Variants in CARD10 observed in about 807,000 individuals in gnomAD.
The protein encoded by CARD10 is caspase recruitment domain family member 10.
CARD10 carries 49 observed loss-of-function variants against 114.6 expected under a neutral mutation model. The observed-to-expected ratio is 0.43, with a 90% CI of 0.34 to 0.54. The LOEUF (loss-of-function observed/expected upper bound fraction) is 0.54. Among genes scored for constraint, CARD10 ranks in the 20% least tolerant of loss-of-function variants. The pLI is 0.03. For synonymous variants in CARD10, 602 were observed against 593.2 expected (o/e 1.01, Z -0.21); for missense variants, 1,206 against 1,397.2 (o/e 0.86, Z 2.18).
In CARD10 at chr22:37,507,850, C is replaced by T. The variant is rs779518354; in HGVS notation, c.1170G>A (p.Glu390=). Residue 390 remains glutamate, a synonymous_variant, in exon 6 of 20, where the codon GAG becomes GAA. Coordinates refer to ENST00000251973, the MANE Select transcript of CARD10 (RefSeq NM_014550.4). ...TCACCTGGTCTCGCTCCTTCTCAAT[C>T]TCCTCCAGTTGGGCCAGGACAGTGG... is the stretch of plus-strand genomic sequence containing the variant. ...RMATVLAQLE[E]IEKERDQAIQ... is the part of the protein sequence containing the mutation. The T allele has an allele frequency of 6.2e-7, 1 of 1,614,218 alleles. No individual in the cohort carries two copies. The highest frequency in any genetic ancestry group is 2.2e-5 in the East Asian group (1 of 44,884).
intron 4 of CARD10, chr22:37,509,185 A>C: frequency 7.0e-7 from 1 of 1,419,088 alleles, no homozygotes; most frequent in Non-Finnish European, 9.3e-7. Flanking sequence ...CTCATCCCCC[A>C]CTTCCTGTGT....
rs1236686120 is a variant in CARD10 at position 37,491,754 on chromosome 22, C to G, written c.2864+1G>C. The G allele has an allele frequency of 8.7e-7, 1 of 1,145,080 alleles. No homozygotes were observed. Among genetic ancestry groups the G allele is most frequent in the Non-Finnish European group, 1.3e-6 (1 of 788,522 alleles). The allele number at this position is 1,145,080 out of a possible 1,614,324, so 70.9% of individuals were successfully genotyped here. A position where few individuals can be genotyped will look rare whatever the true frequency, so the allele number is the denominator to read the frequency against. ...CCCACTGCCCCACCCACCCACCTCACCTGACTTCCCGGACATTCTTCTCAG... is the reference window on the plus strand; with the variant it reads ...CCCACTGCCCCACCCACCCACCTCAGCTGACTTCCCGGACATTCTTCTCAG... On this transcript the variant is annotated splice_donor_variant, in intron 19 of 19. Transcript: ENST00000251973. LOFTEE classifies it high-confidence loss of function.
At chr22:37,508,903 A>C in intron 4 of CARD10, 1 of 1,356,986 alleles carries the variant, frequency 7.4e-7, no homozygotes, top group Non-Finnish European at 1.0e-6. Context: ...CTGGGGTACA[A>C]GTAAGCTAAT....
In CARD10 at chr22:37,502,000, G is replaced by T. The variant is rs569359914; in HGVS notation, c.1787+602C>A. ...AGACCACAATGGCCGTGCAGCCCCC[G>T]CTCTGCCCCACCCCTCCCTTAGATA... On this transcript the variant is annotated intron_variant, in intron 11 of 19. Transcript: ENST00000251973. This position sits in a 1 kb window ranked among gnomAD's most constrained non-coding sequence, Gnocchi z 5.4. Among the ~76,000 whole-genome samples the T allele has an allele frequency of 3.9e-5, 6 of 152,230 alleles. No individual in the cohort carries two copies. The highest frequency in any genetic ancestry group is 1.4e-4 in the African/African-American group (6 of 41,538).
Position 37,508,392 on chromosome 22 carries a change from G to A in CARD10, c.1065+135C>T, listed in dbSNP as rs1157445037. On this transcript the variant is annotated intron_variant, in intron 5 of 19. Transcript: ENST00000251973. ...CTCAAGCGCCTAGAAGGGTGCCTCC[G>A]TCAACATCTGAGAACAAATGAATGC... 3.9e-5 allele frequency: 41 copies of A among 1,063,398 alleles called. No individual in the cohort carries two copies. In the South Asian group the frequency reaches 5.1e-4, roughly 13 times the overall value. 65.9% of individuals were successfully genotyped at this position (1,063,398 alleles called of 1,614,324 possible).
rs769625750 is a variant in CARD10 at position 37,510,249 on chromosome 22, G to T, written c.872C>A (p.Thr291Lys). ...CTCCTGCAACTCCCGCAGTGACGCC[G>T]TCAGCCGCTGGTTCTCAGCACGCAG... The part of the protein sequence containing the change: ...SELRAENQRL[T>K]ASLRELQEGL... Residue 291 changes from threonine to lysine, a missense_variant, in exon 4 of 20, where the codon ACG (threonine) becomes AAG (lysine). Thr to Lys is a moderately conservative substitution (Grantham distance 78, BLOSUM62 -1). Around this residue, in one of 2 missense-constraint regions of CARD10, gnomAD observed 1,068 missense variants for 1,179.1 expected, o/e 0.91. Transcript: ENST00000251973. 6.2e-7 allele frequency: 1 copy of T among 1,602,432 alleles called. No homozygotes were observed. Among genetic ancestry groups the T allele is most frequent in the Non-Finnish European group, 8.5e-7 (1 of 1,179,820 alleles).
Position 37,508,637 on chromosome 22 carries a change from C to T in CARD10, c.955G>A (p.Asp319Asn). ...TCCCGCCAGTCATGCTCTAGGATGT[C>T]CAGCAGGATGCGCTCGGAGCCCGGG... ...GAPGSERILLDILEHDWREAQ... is the reference protein window; with the variant it reads ...GAPGSERILLNILEHDWREAQ... Residue 319 changes from aspartate (D) to asparagine (N), a missense_variant, in exon 5 of 20, where the codon GAC becomes AAC. Asp to Asn is a conservative substitution (Grantham distance 23). Coordinates refer to ENST00000251973, the MANE Select transcript of CARD10 (RefSeq NM_014550.4). 6.3e-7 allele frequency: 1 copy of T among 1,589,300 alleles called. No homozygotes were observed. The highest frequency in any genetic ancestry group is 8.5e-7 in the Non-Finnish European group (1 of 1,171,274).
chr22:37,517,243 T>C (rs1463292837), intron 2 of CARD10, among the ~76,000 whole-genome samples: 11 of 152,222 alleles, frequency 7.2e-5, no homozygotes, highest in Non-Finnish European at 1.5e-4. Flanking sequence ...AACAAGTGTA[T>C]GTAACAGAGG....
In CARD10 at chr22:37,494,100, A is replaced by G. The variant is rs1221651968; in HGVS notation, c.2462T>C (p.Leu821Pro). 14 of 1,556,408 alleles carry G rather than the reference A, an allele frequency of 9.0e-6. No individual in the cohort carries two copies. Among genetic ancestry groups the G allele is most frequent in the Non-Finnish European group, 1.2e-5 (14 of 1,150,012 alleles). ...CGCGCACTCACCTGCACAGGGCTCC[A>G]GCAGCAGCTGATCCGGGGAGTCCCC... ...PAGDSPDQLL[L>P]EPCAEPERSL... The change falls in exon 16 of 20, where the codon CTG (leucine) becomes CCG (proline). Residue 821 changes from leucine (L) to proline (P), a missense_variant. Leu to Pro is a moderately conservative substitution (Grantham distance 98). Coordinates refer to ENST00000251973, the MANE Select transcript of CARD10 (RefSeq NM_014550.4).
intron 11 of CARD10, among the ~76,000 whole-genome samples, chr22:37,500,281 T>C (rs895114092): frequency 6.6e-6 from 1 of 152,160 alleles, no homozygotes; most frequent in Non-Finnish European, 1.5e-5. Flanking sequence ...AACCCTCTCT[T>C]TGCAAGGACA....
chr22:37,518,524 C>A (rs1923917580), intron 1 of CARD10, among the ~76,000 whole-genome samples: 1 of 152,172 alleles, frequency 6.6e-6, no homozygotes, highest in South Asian at 2.1e-4. Context: ...GGAGTGGGGA[C>A]CCACGTAAAG....
intron 14 of CARD10, 23 bp downstream of exon 14, chr22:37,495,737 C>G: frequency 1.2e-5 from 20 of 1,612,940 alleles, no homozygotes; most frequent in Non-Finnish European, 1.6e-5. Context: ...GGACCCCATC[C>G]CCAGCTCCTG....
chr22:37,509,819 CTG>C (rs1454360418), intron 4 of CARD10, among the ~76,000 whole-genome samples: 6 of 112,770 alleles, frequency 5.3e-5, no homozygotes, highest in African/African-American at 9.2e-5. Flanking sequence ...TCCTGACCTC[CTG>C]CCAGCCTGTG....
intron 11 of CARD10, among the ~76,000 whole-genome samples, chr22:37,500,541 G>T (rs888570974): frequency 6.6e-6 from 1 of 152,136 alleles, no homozygotes; most frequent in African/African-American, 2.4e-5. Context: ...AGCTGAGAAG[G>T]GCAGGGCAGA....
At chr22:37,499,618 T>C (rs1373055363) in intron 11 of CARD10, among the ~76,000 whole-genome samples, 1 of 151,678 alleles carries the variant, frequency 6.6e-6, no homozygotes, top group African/African-American at 2.4e-5. Context: ...TGACAACTCC[T>C]GCAGCTCCCT....
At position 37,516,222 on chromosome 22, in the gene CARD10, C is replaced by T; in HGVS notation, c.450G>A (p.Gln150=). 1 of 1,603,806 alleles carries T rather than the reference C, an allele frequency of 6.2e-7. No homozygotes were observed. The highest frequency in any genetic ancestry group is 1.1e-5 in the South Asian group (1 of 90,056). The change falls in exon 3 of 20, where the codon CAG becomes CAA. Residue 150 remains glutamine (Q), a synonymous_variant. Transcript: ENST00000251973. ...CCTGCAGTTGCTGCTCCCGCTGCAG[C>T]TGGCTCTTGCGAGCTTCCCGCAGCC... ...VRRLREARKS[Q]LQREQQLQAR...
In CARD10 at chr22:37,491,751, T is replaced by G; in HGVS notation, c.2864+4A>C. 3.4e-6 allele frequency: 2 copies of G among 588,298 alleles called. No individual in the cohort carries two copies. The highest frequency in any genetic ancestry group is 6.0e-6 in the Non-Finnish European group (2 of 335,932). The allele number at this position is 588,298 out of a possible 1,614,324, so 36.4% of individuals were successfully genotyped here. A position where few individuals can be genotyped will look rare whatever the true frequency, so the allele number is the denominator to read the frequency against. ...CTGCCCACTGCCCCACCCACCCACC[T>G]CACCTGACTTCCCGGACATTCTTCT... On this transcript the variant is annotated splice_donor_region_variant and intron_variant, in intron 19 of 19. Coordinates refer to ENST00000251973, the MANE Select transcript of CARD10 (RefSeq NM_014550.4).
rs753486529 is a variant in CARD10 at position 37,508,557 on chromosome 22, C to T, written c.1035G>A (p.Glu345=). The part of the protein sequence containing the change: ...LCQKLHAVQG[E]LQWAEELRDQ... ...CGCGCAGCTCCTCGGCCCACTGCAGCTCCCCCTGCACGGCATGCAGCTTCT... is the reference window on the plus strand; with the variant it reads ...CGCGCAGCTCCTCGGCCCACTGCAGTTCCCCCTGCACGGCATGCAGCTTCT... The change falls in exon 5 of 20, where the codon GAG becomes GAA. Residue 345 remains glutamate, a synonymous_variant. Coordinates refer to ENST00000251973, the MANE Select transcript of CARD10 (RefSeq NM_014550.4). 1.3e-6 allele frequency: 2 copies of T among 1,597,928 alleles called. No individual in the cohort carries two copies. Among genetic ancestry groups the T allele is most frequent in the South Asian group, 2.2e-5 (2 of 90,066 alleles).
intron 11 of CARD10, among the ~76,000 whole-genome samples, chr22:37,497,906 C>T (rs191304562): frequency 6.6e-6 from 1 of 151,886 alleles, no homozygotes; most frequent in Non-Finnish European, 1.5e-5. Context: ...GGGAGGTCAC[C>T]ATTAGCACGT....
Sources: gnomAD v4.1 joint callset for allele counts (sites outside exome capture counted in the v4.1 genomes callset) on GRCh38, gnomAD v4.1.1 for gene constraint, gnomAD v4.1.1 regional missense constraint, Gnocchi (gnomAD v3.1) non-coding constraint, MANE v1.5 for transcripts, NCBI Gene and HGNC (gene_info 2026-07-23, HGNC 2026-07-21) for gene names.